NDEL1: variants seen among roughly 807,000 people sequenced by gnomAD.
NDEL1 encodes nuclear distribution protein nudE-like 1.
NDEL1 carries 9 observed loss-of-function variants against 45.7 expected under a neutral mutation model. That is an observed-to-expected ratio of 0.20 (90% CI 0.12 to 0.34). The LOEUF (loss-of-function observed/expected upper bound fraction) is 0.34, where lower values mean the gene tolerates loss of function less well. Among genes scored for constraint, NDEL1 ranks in the 10% least tolerant of loss-of-function variants. The pLI is 1.00. For synonymous variants in NDEL1, 133 were observed against 158.6 expected, an observed-to-expected ratio of 0.84 and a Z score of 1.21; for missense variants, 306 against 406.2, an observed-to-expected ratio of 0.75 and a Z score of 2.12.
At chr17:8,460,397 C>T (rs1293448150) in intron 8 of NDEL1, among the ~76,000 whole-genome samples, 1 of 152,164 alleles carries the variant, frequency 6.6e-6, no homozygotes, top group Non-Finnish European at 1.5e-5. Flanking sequence ...TCTTGAAAGG[C>T]AGCAGTGTGA....
chr17:8,428,955 G>A (rs1356014661), intron 1 of NDEL1, among the ~76,000 whole-genome samples: 6 of 152,028 alleles, frequency 3.9e-5, no homozygotes, highest in South Asian at 2.1e-4. Flanking sequence ...TTACAGGCAT[G>A]AGCCACCGCG....
chr17:8,415,918 T>C (rs1286574160), intron 1 of NDEL1, among the ~76,000 whole-genome samples: 1 of 152,152 alleles, frequency 6.6e-6, no homozygotes, highest in African/African-American at 2.4e-5. Flanking sequence ...CGGCTACTTT[T>C]TTGTATTTTT....
intron 4 of NDEL1, among the ~76,000 whole-genome samples, chr17:8,447,229 G>A (rs1336064731): frequency 6.6e-6 from 1 of 152,104 alleles, no homozygotes; most frequent in Non-Finnish European, 1.5e-5. Flanking sequence ...TGCAACCTCT[G>A]CCTCCCAGAT....
chr17:8,450,190 G>A (rs1910385947), intron 5 of NDEL1, among the ~76,000 whole-genome samples: 2 of 151,870 alleles, frequency 1.3e-5, no homozygotes, highest in African/African-American at 4.8e-5. Flanking sequence ...TTGGGAGGCT[G>A]AGGCAGGAGA....
chr17:8,433,474 T>C (rs1005964431), upstream of NDEL1, among the ~76,000 whole-genome samples: 4 of 152,238 alleles, frequency 2.6e-5, no homozygotes, highest in African/African-American at 9.6e-5. Context: ...TTTGTCCTTT[T>C]ACACTTTTAT....
chr17:8,424,706 G>C (rs1031315425), intron 1 of NDEL1, among the ~76,000 whole-genome samples: 2 of 152,138 alleles, frequency 1.3e-5, no homozygotes, highest in Non-Finnish European at 2.9e-5. Context: ...GGGTTTCACC[G>C]TGTTAGCCAG....
chr17:8,464,759 T>C (rs72841796), intron 8 of NDEL1: 2,421 of 152,600 alleles, frequency 0.016, 30 homozygotes, highest in Non-Finnish European at 0.025. Context: ...GGTCCTGGCC[T>C]GGGCATCTGG....
At chr17:8,436,188 C>T in intron 1 of NDEL1, 143 bp downstream of exon 1, 1 of 245,706 alleles carries the variant, frequency 4.1e-6, no homozygotes, top group Non-Finnish European at 8.1e-6. Context: ...GGGCGGCCAG[C>T]CTGGGGGCAA....
intron 1 of NDEL1, among the ~76,000 whole-genome samples, chr17:8,426,831 A>AC (rs915406657): frequency 6.6e-6 from 1 of 152,100 alleles, no homozygotes; most frequent in Non-Finnish European, 1.5e-5. Flanking sequence ...ACCTCAGTTT[A>AC]CCCCCCAGAT....
chr17:8,432,353 A>ATATATATTAT (rs1567722399), upstream of NDEL1, among the ~76,000 whole-genome samples: 271 of 5,616 alleles, frequency 0.048, 7 homozygotes, highest in Non-Finnish European at 0.19. Context: ...TATAAATATA[A>ATATATATTAT]ATATAAATAT....
downstream of NDEL1, among the ~76,000 whole-genome samples, chr17:8,471,891 A>AT (rs1248825305): frequency 6.6e-6 from 1 of 152,150 alleles, no homozygotes; most frequent in East Asian, 1.9e-4. Context: ...CTTGGTGCAG[A>AT]TGTTGTCCCC....
At chr17:8,438,795 C>T (rs1263946336) in intron 1 of NDEL1, among the ~76,000 whole-genome samples, 2 of 151,816 alleles carry the variant, frequency 1.3e-5, no homozygotes. Context: ...GATTAATATG[C>T]GCGAGCCACT....
At chr17:8,417,189 T>C (rs1044491239) in intron 1 of NDEL1, among the ~76,000 whole-genome samples, 4 of 152,098 alleles carry the variant, frequency 2.6e-5, no homozygotes, top group Non-Finnish European at 4.4e-5. Flanking sequence ...CAATCTCGGC[T>C]CATTGCAACC....
chr17:8,473,557 G>A lies in NDEL1; in HGVS notation c.417+13397G>A, dbSNP rs145686662. 3.9e-3 allele frequency among the ~76,000 whole-genome samples: 592 copies of A among 152,246 alleles called. 1 individual carries two copies. Among genetic ancestry groups the A allele is most frequent in the African/African-American group, 0.014 (575 of 41,536 alleles). On this transcript the variant is annotated intron_variant, in intron 3 of 3. Transcript: ENST00000581679. ...CTCTTGGATAAGATACTGGATGTGG[G>A]GGTGGGAGCCCTGCTGAAGCACCAT... is the stretch of plus-strand genomic sequence containing the variant.
downstream of NDEL1, among the ~76,000 whole-genome samples, chr17:8,471,378 G>C (rs1372607887): frequency 6.6e-6 from 1 of 152,238 alleles, no homozygotes; most frequent in Non-Finnish European, 1.5e-5. Context: ...CCAGGAGTCG[G>C]GCAATGACAC....
Position 8,419,627 on chromosome 17 carries a change from C to T in NDEL1, c.-13+6358C>T, listed in dbSNP as rs796890031. The stretch of plus-strand genomic sequence containing the variant: ...GATTAACAAGTTCCTCTCTTGATCA[C>T]GACCCCATCTAATCCTGTTTCCACC... On this transcript the variant is annotated intron_variant, in intron 1 of 4. Transcript: ENST00000582812. 7.9e-5 allele frequency among the ~76,000 whole-genome samples: 12 copies of T among 152,254 alleles called. 1 individual carries two copies. Among genetic ancestry groups the T allele is most frequent in the Non-Finnish European group, 1.2e-4 (8 of 68,024 alleles).
chr17:8,471,297 T>C (rs1683697498), downstream of NDEL1, among the ~76,000 whole-genome samples: 1 of 152,216 alleles, frequency 6.6e-6, no homozygotes, highest in Admixed American at 6.5e-5. Flanking sequence ...ATTACAGGCA[T>C]GTGCCGCCAT....
At chr17:8,456,046 A>G (rs1289427443) in intron 7 of NDEL1, among the ~76,000 whole-genome samples, 6 of 152,192 alleles carry the variant, frequency 3.9e-5, no homozygotes, top group Non-Finnish European at 7.3e-5. Flanking sequence ...GTAATCAACC[A>G]TTGCCATTTC....
chr17:8,420,119 G>A (rs1239118410), intron 1 of NDEL1, among the ~76,000 whole-genome samples: 2 of 152,152 alleles, frequency 1.3e-5, no homozygotes, highest in Admixed American at 6.5e-5. Flanking sequence ...TCTCTTCTAC[G>A]TCTGAGGGTC....
Sources: allele counts gnomAD v4.1 joint callset (sites outside exome capture counted in the v4.1 genomes callset), GRCh38; gene constraint gnomAD v4.1.1; transcripts MANE v1.5; gene names NCBI Gene and HGNC (gene_info 2026-07-23, HGNC 2026-07-21).